GPBP1: variants seen among roughly 807,000 people sequenced by gnomAD.
The protein encoded by GPBP1 is GC-rich promoter binding protein 1, also known as vasculin.
In GPBP1, 13 loss-of-function variants were observed where a neutral mutation model predicts 56.5. That is an observed-to-expected ratio of 0.23 (90% CI 0.15 to 0.37). The LOEUF is 0.37. Among genes scored for constraint, GPBP1 ranks in the 10% least tolerant of loss-of-function variants. The pLI is 1.00. For missense variants in GPBP1, 477 were observed against 572.3 expected (o/e 0.83, Z 1.70); for synonymous variants, 204 against 188.9 (o/e 1.08, Z -0.66).
intron 3 of GPBP1, among the ~76,000 whole-genome samples, chr5:57,218,070 A>C (rs1436224435): frequency 6.6e-6 from 1 of 152,156 alleles, no homozygotes; most frequent in Non-Finnish European, 1.5e-5. Flanking sequence ...AAAAGAAAAA[A>C]AAACAAAAAA....
chr5:57,188,515 T>C (rs1579979993), intron 2 of GPBP1, among the ~76,000 whole-genome samples: 1 of 151,516 alleles, frequency 6.6e-6, no homozygotes, highest in Non-Finnish European at 1.5e-5. Flanking sequence ...CTGAGGCAGG[T>C]GGATTGCTCG....
rs571788011 is a variant in GPBP1, at chr5:57,179,261, C to G, written c.-58+2861C>G. ...TTTGGTTGATGTTGATTACAGACTG[C>G]TAATGGAGTTTGGAAATAAACTAAG... On this transcript the variant is annotated intron_variant, in intron 2 of 11. Transcript: ENST00000506184. Among the ~76,000 whole-genome samples the G allele has an allele frequency of 6.1e-4, 93 of 152,272 alleles. No individual in the cohort carries two copies. The South Asian group carries it at 0.013, about 21-fold the overall frequency.
At chr5:57,246,610 C>T in intron 7 of GPBP1, 126 bp downstream of exon 7, 2 of 652,216 alleles carry the variant, frequency 3.1e-6, no homozygotes, top group Non-Finnish European at 5.1e-6. Flanking sequence ...TTCTAGGTGG[C>T]AAGAGTTGAC....
intron 6 of GPBP1, chr5:57,237,237 G>A (rs1321520822): frequency 4.8e-6 from 5 of 1,048,664 alleles, no homozygotes; most frequent in African/African-American, 3.2e-5. Flanking sequence ...AGAACCACCT[G>A]GAAGGTGTTA....
intron 6 of GPBP1, among the ~76,000 whole-genome samples, chr5:57,240,192 A>G (rs552694083): frequency 6.6e-6 from 1 of 152,266 alleles, no homozygotes; most frequent in Admixed American, 6.6e-5. Flanking sequence ...TCCAGGTTGC[A>G]GTGAGCTACG....
chr5:57,231,143 G>A lies in GPBP1; in HGVS notation c.233G>A (p.Arg78Lys), dbSNP rs61736551. ...KEKNGWRTHGRNGTENINHRG... is the reference protein window; with the variant it reads ...KEKNGWRTHGKNGTENINHRG... ...AAAAATGGATGGCGTACACATGGAA[G>A]AAATGGTACAGAAAACATAAATCAT... Residue 78 changes from arginine (R) to lysine (K), a missense_variant, in exon 5 of 12, where the codon AGA becomes AAA. By Grantham distance (26) the Arg-to-Lys change is conservative. Transcript: ENST00000506184. The A allele has an allele frequency of 2.9e-4, 463 of 1,614,004 alleles. 1 individual carries two copies. The highest frequency in any genetic ancestry group is 3.3e-4 in the Middle Eastern group (2 of 6,084).
At chr5:57,230,258 T>C (rs180897570) in intron 3 of GPBP1, among the ~76,000 whole-genome samples, 1 of 152,306 alleles carries the variant, frequency 6.6e-6, no homozygotes, top group Admixed American at 6.5e-5. Context: ...AAAAAAACTG[T>C]TGGAAGTTTT....
At chr5:57,229,327 G>A (rs775187181) in intron 3 of GPBP1, among the ~76,000 whole-genome samples, 4 of 149,668 alleles carry the variant, frequency 2.7e-5, no homozygotes, top group Non-Finnish European at 5.9e-5. Context: ...GGCAAGAGGT[G>A]CCAGCTTTGT....
At chr5:57,196,006 A>AAAAAAAT (rs1754729372) in intron 2 of GPBP1, among the ~76,000 whole-genome samples, 1 of 66,990 alleles carries the variant, frequency 1.5e-5, no homozygotes, top group Non-Finnish European at 3.4e-5. Flanking sequence ...AAAAAAAAAA[A>AAAAAAAT]TTTTTTTTTT....
chr5:57,195,724 C>T (rs1418311265), intron 2 of GPBP1, among the ~76,000 whole-genome samples: 5 of 152,010 alleles, frequency 3.3e-5, no homozygotes, highest in Admixed American at 2.6e-4. Context: ...TTCGGCTGGG[C>T]GCAGTGGCTC....
chr5:57,185,326 A>G (rs1055276311), intron 2 of GPBP1, among the ~76,000 whole-genome samples: 1 of 150,734 alleles, frequency 6.6e-6, no homozygotes, highest in Non-Finnish European at 1.5e-5. Context: ...CAATGGGGCA[A>G]TCTCGGCTCA....
intron 2 of GPBP1, among the ~76,000 whole-genome samples, chr5:57,202,208 C>T (rs1755050099): frequency 6.6e-6 from 1 of 152,074 alleles, no homozygotes. Flanking sequence ...TGGTCTCAAA[C>T]TCCTGGGCCC....
At chr5:57,250,417 C>T (rs775664184) in intron 9 of GPBP1, among the ~76,000 whole-genome samples, 2 of 152,146 alleles carry the variant, frequency 1.3e-5, no homozygotes, top group Non-Finnish European at 2.9e-5. Context: ...TCTTGCCTGC[C>T]TTCATGCTTT....
chr5:57,206,331 C>T (rs376719128), intron 2 of GPBP1, among the ~76,000 whole-genome samples: 1 of 151,840 alleles, frequency 6.6e-6, no homozygotes, highest in African/African-American at 2.4e-5. Context: ...GCTTTATCTC[C>T]CTGTTTTCTT....
rs1277391524 is a variant in GPBP1, at chr5:57,184,948, G to A, written c.-58+8548G>A. On this transcript the variant is annotated intron_variant, in intron 2 of 11. Transcript: ENST00000506184. ...TCATTTTATTTATTAACTCCCTGTG[G>A]GGACATCTTAGTTGATTTTTATTAT... 2.6e-5 allele frequency among the ~76,000 whole-genome samples: 4 copies of A among 152,118 alleles called. No individual in the cohort carries two copies. In the East Asian group the frequency reaches 7.7e-4, roughly 29 times the overall value.
At chr5:57,205,730 C>G (rs894704925) in intron 2 of GPBP1, among the ~76,000 whole-genome samples, 1 of 151,840 alleles carries the variant, frequency 6.6e-6, no homozygotes, top group Non-Finnish European at 1.5e-5. Context: ...GGAAAATATT[C>G]AAGTGCTTTG....
At chr5:57,196,850 T>G (rs1257870781) in intron 2 of GPBP1, among the ~76,000 whole-genome samples, 1 of 151,976 alleles carries the variant, frequency 6.6e-6, no homozygotes, top group Non-Finnish European at 1.5e-5. Context: ...GGCACGATCT[T>G]GGCTCACTGT....
chr5:57,229,942 C>CGTCCCGTCCCGTCCCGTCCCGTCCT (rs1561357198), intron 3 of GPBP1, among the ~76,000 whole-genome samples: 1 of 22,258 alleles, frequency 4.5e-5, no homozygotes, highest in East Asian at 0.071. Flanking sequence ...CATCGCATCG[C>CGTCCCGTCCCGTCCCGTCCCGTCCT]GTCCCGTCCC....
intron 3 of GPBP1, among the ~76,000 whole-genome samples, chr5:57,226,678 A>G (rs1756206283): frequency 6.9e-6 from 1 of 144,758 alleles, no homozygotes; most frequent in African/African-American, 2.6e-5. Context: ...TCATACTTCA[A>G]GTCACTGGGA....
Sources: allele counts gnomAD v4.1 joint callset (sites outside exome capture counted in the v4.1 genomes callset), GRCh38; gene constraint gnomAD v4.1.1; transcripts MANE v1.5; gene names NCBI Gene and HGNC (gene_info 2026-07-23, HGNC 2026-07-21).